The following APBB3 variants were observed in gnomAD, a reference collection of about 807,000 sequenced individuals.
APBB3 encodes the protein amyloid-beta A4 precursor protein-binding family B member 3.
In APBB3, 50 loss-of-function variants were observed where a neutral mutation model predicts 61.5. The observed-to-expected ratio is 0.81, with a 90% CI of 0.65 to 1.03. APBB3 has a LOEUF of 1.03. APBB3 is among the 50% of genes least tolerant of loss of function. The pLI is 0.00. For synonymous variants in APBB3, 235 were observed against 233.0 expected (o/e 1.01, Z -0.08); for missense variants, 550 against 637.4 (o/e 0.86, Z 1.48).
In APBB3 at chr5:140,561,075, C is replaced by T. The variant is rs760726463; in HGVS notation, c.859G>A (p.Ala287Thr). ...TACAGTGCCTCGTACTTCTGAGCAGCTTGGCTTACCGCATCCAGCAGCTCC... is the reference window on the plus strand; with the variant it reads ...TACAGTGCCTCGTACTTCTGAGCAGTTTGGCTTACCGCATCCAGCAGCTCC... ...QVELLDAVSQ[A>T]AQKYEALYMG... is the part of the protein sequence containing the mutation. Residue 287 changes from alanine to threonine, a missense_variant, in exon 10 of 13, where the codon GCT (alanine) becomes ACT (threonine). Coordinates refer to ENST00000357560, the MANE Select transcript of APBB3 (RefSeq NM_133173.3). 2.1e-4 allele frequency: 333 copies of T among 1,613,960 alleles called. No individual in the cohort carries two copies. The highest frequency in any genetic ancestry group is 2.6e-4 in the Non-Finnish European group (309 of 1,180,050).
Position 140,560,284 on chromosome 5 carries a change from C to A in APBB3, c.1224+29G>T. The A allele has an allele frequency of 6.3e-7, 1 of 1,599,306 alleles. No homozygotes were observed. The highest frequency in any genetic ancestry group is 8.6e-7 in the Non-Finnish European group (1 of 1,169,290). On this transcript the variant is annotated intron_variant, in intron 12 of 12. Coordinates refer to ENST00000357560, the MANE Select transcript of APBB3 (RefSeq NM_133173.3). This position sits in a 1 kb window ranked among gnomAD's most constrained non-coding sequence, Gnocchi z 5.1. ...AGTGGAGAGCAGCTGCAGGGCAATC[C>A]CACCAACCCATTCCCACCCATGACT...
At position 140,560,628 on chromosome 5, in the gene APBB3, T is replaced by A; in HGVS notation, c.1032+11A>T. The A allele has an allele frequency of 6.2e-7, 1 of 1,613,466 alleles. No individual in the cohort carries two copies. The highest frequency in any genetic ancestry group is 8.5e-7 in the Non-Finnish European group (1 of 1,179,496). On this transcript the variant is annotated intron_variant, in intron 11 of 12. Coordinates refer to ENST00000357560, the MANE Select transcript of APBB3 (RefSeq NM_133173.3). The surrounding 1 kb of genome is among the most constrained non-coding windows in gnomAD (Gnocchi z 5.1). The stretch of plus-strand genomic sequence containing the variant: ...CCCTCCAAAGCCCCCAACTTCACCC[T>A]CTTCTGGTACCTGAATGGGGTGTGC...
Position 140,560,155 on chromosome 5 carries a change from T to C in APBB3, c.1224+158A>G, listed in dbSNP as rs1158809915. Among the ~76,000 whole-genome samples, 1 of 152,218 alleles carries C rather than the reference T, an allele frequency of 6.6e-6. No homozygotes were observed. The highest frequency in any genetic ancestry group is 2.4e-5 in the African/African-American group (1 of 41,460). ...CTGGCCTTTAAATATTGGCAACTAA[T>C]TAAAACTTACTAAAAACAACATGAG... On this transcript the variant is annotated intron_variant, in intron 12 of 12. Transcript: ENST00000357560. The surrounding 1 kb of genome is among the most constrained non-coding windows in gnomAD (Gnocchi z 5.1).
At position 140,564,420 on chromosome 5, in the gene APBB3, G is replaced by A. The variant is rs1020784459; in HGVS notation, c.-175C>T. The A allele has an allele frequency of 1.4e-6, 1 of 723,062 alleles. No individual in the cohort carries two copies. Among genetic ancestry groups the A allele is most frequent in the Non-Finnish European group, 2.2e-6 (1 of 446,706 alleles). The allele number at this position is 723,062 out of a possible 1,614,324, so 44.8% of individuals were successfully genotyped here. ...GGGACACGGGCCGGTCCCGGGGGAG[G>A]GCCTGAGCCGCACAGCCCGCCCAGG... On this transcript the variant is annotated 5_prime_UTR_variant, in exon 1 of 13. Coordinates refer to ENST00000357560, the MANE Select transcript of APBB3 (RefSeq NM_133173.3). The surrounding 1 kb of genome is among the most constrained non-coding windows in gnomAD (Gnocchi z 5.0).
chr5:140,558,847 C>T (rs759698899), intron 12 of APBB3, 26 bp from the exon 13 acceptor site: 7 of 1,602,300 alleles, frequency 4.4e-6, no homozygotes, highest in Middle Eastern at 2.0e-4. Context: ...ATGTGAGGAT[C>T]CAGCTACTTT....
Position 140,561,659 on chromosome 5 carries a change from G to A in APBB3, c.675C>T (p.Leu225=), listed in dbSNP as rs758030232. 12 of 1,614,102 alleles carry A rather than the reference G, an allele frequency of 7.4e-6. No individual in the cohort carries two copies. The highest frequency in any genetic ancestry group is 1.7e-5 in the Admixed American group (1 of 60,008). ...CATCACAGCAAAACACATGGCACTTGAGCATACAGCTATCTTTGTCACTTG... is the reference window on the plus strand; with the variant it reads ...CATCACAGCAAAACACATGGCACTTAAGCATACAGCTATCTTTGTCACTTG... ...FVASDKDSCM[L]KCHVFCCDVP... Residue 225 remains leucine, a synonymous_variant, in exon 8 of 13, where the codon CTC becomes CTT. Transcript: ENST00000357560.
rs771905652 is a variant in APBB3 at position 140,560,537 on chromosome 5, A to G, written c.1033-33T>C. 1.2e-6 allele frequency: 2 copies of G among 1,607,742 alleles called. No individual in the cohort carries two copies. The highest frequency in any genetic ancestry group is 8.5e-7 in the Non-Finnish European group (1 of 1,175,678). ...CACCAGGCCTAGTCACTAGAGGGCC[A>G]AGCACGGGCCAGACCCACTTAACTT... On this transcript the variant is annotated intron_variant, in intron 11 of 12. Coordinates refer to ENST00000357560, the MANE Select transcript of APBB3 (RefSeq NM_133173.3). The surrounding 1 kb of genome is among the most constrained non-coding windows in gnomAD (Gnocchi z 5.1).
Position 140,561,359 on chromosome 5 carries a change from C to G in APBB3, c.832+6G>C. 6.2e-7 allele frequency: 1 copy of G among 1,614,194 alleles called. No homozygotes were observed. Among genetic ancestry groups the G allele is most frequent in the African/African-American group, 1.3e-5 (1 of 75,056 alleles). ...ATGCAGCAATGCAGGTCTCCCCTCC[C>G]CATACCTTGCCGTGGCAGGTCTTCA... On this transcript the variant is annotated splice_donor_region_variant and intron_variant, in intron 9 of 12. Transcript: ENST00000357560.
At position 140,561,472 on chromosome 5, in the gene APBB3, T is replaced by C. The variant is rs773280728; in HGVS notation, c.748-23A>G. 1.9e-5 allele frequency: 31 copies of C among 1,613,946 alleles called. No individual in the cohort carries two copies. In the South Asian group the frequency reaches 2.6e-4, roughly 14 times the overall value. On this transcript the variant is annotated intron_variant, in intron 8 of 12. Transcript: ENST00000357560. ...GATCTAAAACACAATGAAGCCAGCA[T>C]GACCCACAGGGAGAGAGGGGAATTA...
At position 140,558,893 on chromosome 5, in the gene APBB3, G is replaced by A. The variant is rs1005193166; in HGVS notation, c.1225-72C>T. ...ACTCCCTGAAAGCTTCTGCAGGACA[G>A]GGAACTGGCCAAAGCTTCTGTCTGA... On this transcript the variant is annotated intron_variant, in intron 12 of 12. Transcript: ENST00000357560. The A allele has an allele frequency of 2.2e-6, 3 of 1,384,378 alleles. No homozygotes were observed. The African/African-American group carries it at 4.3e-5, about 20-fold the overall frequency. The allele number at this position is 1,384,378 out of a possible 1,614,324, so 85.8% of individuals were successfully genotyped here. A position where few individuals can be genotyped will look rare whatever the true frequency, so the allele number is the denominator to read the frequency against.
At chr5:140,561,146 C>T (rs769167543) in intron 9 of APBB3, 45 bp from the exon 10 acceptor site, 7 of 1,607,176 alleles carry the variant, frequency 4.4e-6, no homozygotes, top group Non-Finnish European at 6.0e-6. Context: ...TTTCAATTAC[C>T]CTTTTCCCCA....
intron 6 of APBB3, 21 bp downstream of exon 6, chr5:140,562,079 G>C (rs190071068): frequency 6.2e-7 from 1 of 1,613,252 alleles, no homozygotes. Flanking sequence ...GCTCTTGCTT[G>C]GGGGATGTAG....
chr5:140,560,782 C>T lies in APBB3; in HGVS notation c.917-28G>A. Reference sequence around the variant, plus strand: ...GGGGGAACATACCCAGCGTGTCTCCCAGTGTAAAAGAAAGAGTCTGCAGGG... The same window carrying T: ...GGGGGAACATACCCAGCGTGTCTCCTAGTGTAAAAGAAAGAGTCTGCAGGG... On this transcript the variant is annotated intron_variant, in intron 10 of 12. Coordinates refer to ENST00000357560, the MANE Select transcript of APBB3 (RefSeq NM_133173.3). This position sits in a 1 kb window ranked among gnomAD's most constrained non-coding sequence, Gnocchi z 5.1. 1 of 1,602,044 alleles carries T rather than the reference C, an allele frequency of 6.2e-7. No homozygotes were observed.
intron 8 of APBB3, 38 bp from the exon 9 acceptor site, chr5:140,561,487 G>C: frequency 3.7e-6 from 6 of 1,613,994 alleles, no homozygotes; most frequent in Non-Finnish European, 5.1e-6. Context: ...CACAGGGAGA[G>C]AGGGGAATTA....
In APBB3 at chr5:140,561,573, C is replaced by T; in HGVS notation, c.747+14G>A. The T allele has an allele frequency of 1.2e-6, 2 of 1,614,100 alleles. No homozygotes were observed. Among genetic ancestry groups the T allele is most frequent in the African/African-American group, 1.3e-5 (1 of 75,070 alleles). ...CCCCTTACCCACATTCCCTGCCCCACCCCTGACACTTACCTGGGCACAAAG... is the reference window on the plus strand; with the variant it reads ...CCCCTTACCCACATTCCCTGCCCCATCCCTGACACTTACCTGGGCACAAAG... On this transcript the variant is annotated intron_variant, in intron 8 of 12. Coordinates refer to ENST00000357560, the MANE Select transcript of APBB3 (RefSeq NM_133173.3).
rs250430 is a variant in APBB3, at chr5:140,561,643, A to G, written c.691T>C (p.Cys231Arg). 0.86 allele frequency: 1,393,939 copies of G among 1,614,146 alleles called. 602,784 individuals carry two copies. Among genetic ancestry groups the G allele is most frequent in the African/African-American group, 0.94 (70,578 of 75,052 alleles). The change falls in exon 8 of 13, where the codon TGC (cysteine) becomes CGC (arginine). Residue 231 changes from cysteine to arginine, a missense_variant. Coordinates refer to ENST00000357560, the MANE Select transcript of APBB3 (RefSeq NM_133173.3). ...DSCMLKCHVF[C>R]CDVPAKAIAS... is the part of the protein sequence containing the mutation. Reference sequence around the variant, plus strand: ...ATGGCCTTGGCAGGGACATCACAGCAAAACACATGGCACTTGAGCATACAG... The same window carrying G: ...ATGGCCTTGGCAGGGACATCACAGCGAAACACATGGCACTTGAGCATACAG...
chr5:140,564,292 C>T lies in APBB3; in HGVS notation c.-47G>A. On this transcript the variant is annotated 5_prime_UTR_variant, in exon 1 of 13. Transcript: ENST00000357560. This position sits in a 1 kb window ranked among gnomAD's most constrained non-coding sequence, Gnocchi z 5.0. ...GCCTCTGCCGGCCCGCACTCTCAGC[C>T]CAGCGCGACCTCTGGAGCTACTGCG... 6.2e-7 allele frequency: 1 copy of T among 1,600,236 alleles called. No individual in the cohort carries two copies. Among genetic ancestry groups the T allele is most frequent in the Non-Finnish European group, 8.5e-7 (1 of 1,178,334 alleles).
chr5:140,561,061 G>T lies in APBB3; in HGVS notation c.873C>A (p.Tyr291Ter), dbSNP rs202034581. ...LDAVSQAAQK[Y>*]EALYMGTLPV... ...GCAGTGTCCCCATATACAGTGCCTC[G>T]TACTTCTGAGCAGCTTGGCTTACCG... The change falls in exon 10 of 13, where the codon TAC becomes TAA. Residue 291 changes from tyrosine to a stop codon, truncating the protein, a stop_gained. Coordinates refer to ENST00000357560, the MANE Select transcript of APBB3 (RefSeq NM_133173.3). LOFTEE classifies it high-confidence loss of function. 6.2e-7 allele frequency: 1 copy of T among 1,613,782 alleles called. No individual in the cohort carries two copies. Among genetic ancestry groups the T allele is most frequent in the African/African-American group, 1.3e-5 (1 of 74,902 alleles).
At chr5:140,563,411 A>G in intron 3 of APBB3, 183 bp downstream of exon 3, 1 of 689,778 alleles carries the variant, frequency 1.4e-6, no homozygotes, top group Non-Finnish European at 2.6e-6. Flanking sequence ...ACAAGAGCTT[A>G]GAACAAGGGA....
Sources: allele counts gnomAD v4.1 joint callset (sites outside exome capture counted in the v4.1 genomes callset), GRCh38; gene constraint gnomAD v4.1.1; non-coding constraint Gnocchi (gnomAD v3.1); transcripts MANE v1.5; gene names NCBI Gene and HGNC (gene_info 2026-07-23, HGNC 2026-07-21).